SAMD5: variants seen among roughly 807,000 people sequenced by gnomAD.
SAMD5 encodes sterile alpha motif domain-containing protein 5.
In SAMD5, 13 loss-of-function variants were observed where a neutral mutation model predicts 11.3. The observed-to-expected ratio is 1.15, with a 90% CI of 0.75 to 1.83. The LOEUF (loss-of-function observed/expected upper bound fraction) is 1.83, where lower values mean the gene tolerates loss of function less well. Ranked by LOEUF, SAMD5 falls within the 40% of genes most tolerant of loss-of-function variation. The probability of loss-of-function intolerance (pLI) is 0.00; values close to 1 mark genes in which losing one functional copy is unlikely to be tolerated. For missense variants in SAMD5, 255 were observed against 239.1 expected (o/e 1.07, Z -0.44); for synonymous variants, 129 against 111.3 (o/e 1.16, Z -1.00).
intron 1 of SAMD5, among the ~76,000 whole-genome samples, chr6:147,607,301 A>G (rs1302472470): frequency 6.6e-6 from 1 of 152,194 alleles, no homozygotes; most frequent in Non-Finnish European, 1.5e-5. Context: ...CCAAAATACC[A>G]ATGACATAAT....
chr6:147,732,300 T>C (rs1791727221), intron 1 of SAMD5, among the ~76,000 whole-genome samples: 1 of 152,192 alleles, frequency 6.6e-6, no homozygotes, highest in Non-Finnish European at 1.5e-5. Context: ...AAAATCTTCC[T>C]CATATACAGG....
the SAMD5 span, among the ~76,000 whole-genome samples, chr6:147,803,047 C>G: frequency 6.6e-6 from 1 of 151,770 alleles, no homozygotes; most frequent in Non-Finnish European, 1.5e-5. Flanking sequence ...TATTTCAATT[C>G]AAAAATCAAT....
the SAMD5 span, among the ~76,000 whole-genome samples, chr6:147,918,074 G>GT: frequency 6.6e-6 from 1 of 152,120 alleles, no homozygotes; most frequent in African/African-American, 2.4e-5. Flanking sequence ...CTTTAAAGTA[G>GT]TTTTTTTCCA....
chr6:147,649,900 G>T (rs1348949675), intron 1 of SAMD5, among the ~76,000 whole-genome samples: 1 of 151,988 alleles, frequency 6.6e-6, no homozygotes, highest in East Asian at 1.9e-4. Context: ...CTTGCTCTGT[G>T]AATATATTAC....
chr6:147,706,416 T>C (rs1791325748), intron 1 of SAMD5, among the ~76,000 whole-genome samples: 1 of 152,082 alleles, frequency 6.6e-6, no homozygotes, highest in African/African-American at 2.4e-5. Flanking sequence ...TTAGTAAAGA[T>C]GGGGTTTTAC....
At chr6:147,510,072 G>T (rs1460077945) in intron 1 of SAMD5, among the ~76,000 whole-genome samples, 1 of 152,200 alleles carries the variant, frequency 6.6e-6, no homozygotes, top group Admixed American at 6.5e-5. Context: ...AGAGGTCTGG[G>T]CTGTCACGAG....
chr6:147,604,670 A>G (rs1219396838), intron 1 of SAMD5, among the ~76,000 whole-genome samples: 4 of 152,222 alleles, frequency 2.6e-5, no homozygotes, highest in African/African-American at 9.6e-5. Flanking sequence ...TTGATTCTCC[A>G]GCGCATTGAC....
the SAMD5 span, among the ~76,000 whole-genome samples, chr6:147,943,017 T>C: frequency 0.77 from 117,003 of 151,508 alleles, 45,718 homozygotes; most frequent in Non-Finnish European, 0.84. Context: ...GATGGAGTTT[T>C]GCTATATTGG....
At chr6:147,744,178 T>C in the SAMD5 span, among the ~76,000 whole-genome samples, 3 of 152,338 alleles carry the variant, frequency 2.0e-5, no homozygotes, top group African/African-American at 7.2e-5. Flanking sequence ...AATAGAGCTG[T>C]CTGCCTATTT....
chr6:147,879,689 G>GTT, the SAMD5 span, among the ~76,000 whole-genome samples: 39 of 152,124 alleles, frequency 2.6e-4, no homozygotes, highest in East Asian at 6.9e-3. Context: ...TGGGGGATTG[G>GTT]TTTTTTTTAA....
At chr6:147,818,390 C>G in the SAMD5 span, among the ~76,000 whole-genome samples, 1 of 152,188 alleles carries the variant, frequency 6.6e-6, no homozygotes, top group Non-Finnish European at 1.5e-5. Flanking sequence ...GTTTTGCAGG[C>G]ACATACATGT....
At chr6:147,638,239 G>A (rs1432522356) in intron 1 of SAMD5, among the ~76,000 whole-genome samples, 1 of 152,130 alleles carries the variant, frequency 6.6e-6, no homozygotes, top group Non-Finnish European at 1.5e-5. Context: ...TAAGAAACAG[G>A]ATAGTGATGG....
At chr6:147,905,985 T>A in the SAMD5 span, among the ~76,000 whole-genome samples, 1 of 152,160 alleles carries the variant, frequency 6.6e-6, no homozygotes, top group Non-Finnish European at 1.5e-5. Context: ...CAGCACCTGG[T>A]CCACAGCGAG....
the SAMD5 span, among the ~76,000 whole-genome samples, chr6:147,858,942 A>G: frequency 1.3e-5 from 2 of 152,222 alleles, no homozygotes; most frequent in African/African-American, 4.8e-5. Flanking sequence ...GAAAAAAGAC[A>G]ACACCATAAT....
chr6:147,677,975 A>C (rs1371205763), intron 1 of SAMD5, among the ~76,000 whole-genome samples: 1 of 152,138 alleles, frequency 6.6e-6, no homozygotes, highest in South Asian at 2.1e-4. Context: ...AAGATAAAGA[A>C]TGGTGCAATT....
At chr6:147,755,760 A>G in the SAMD5 span, among the ~76,000 whole-genome samples, 2 of 151,964 alleles carry the variant, frequency 1.3e-5, no homozygotes, top group Admixed American at 6.6e-5. Context: ...AGAACATCTC[A>G]TTTTGCCAGG....
At chr6:147,552,137 T>C (rs1788785602) in intron 1 of SAMD5, among the ~76,000 whole-genome samples, 1 of 152,170 alleles carries the variant, frequency 6.6e-6, no homozygotes, top group South Asian at 2.1e-4. Context: ...ATCTGTGTTC[T>C]TTGCTGTTTA....
chr6:147,545,026 C>T (rs1788663745), intron 1 of SAMD5, among the ~76,000 whole-genome samples: 1 of 152,000 alleles, frequency 6.6e-6, no homozygotes, highest in South Asian at 2.1e-4. Context: ...TTTAATGGGG[C>T]CAGTGCAGTA....
At chr6:147,904,897 T>C in the SAMD5 span, among the ~76,000 whole-genome samples, 2 of 152,056 alleles carry the variant, frequency 1.3e-5, no homozygotes, top group Non-Finnish European at 2.9e-5. Context: ...ATGCCTTTTT[T>C]TTTTTTTTGA....
Sources: gnomAD v4.1 joint callset for allele counts (sites outside exome capture counted in the v4.1 genomes callset) on GRCh38, gnomAD v4.1.1 for gene constraint, MANE v1.5 for transcripts, NCBI Gene and HGNC (gene_info 2026-07-23, HGNC 2026-07-21) for gene names.